TMTC3: variants seen among roughly 807,000 people sequenced by gnomAD.
The protein encoded by TMTC3 is transmembrane O-mannosyltransferase targeting cadherins 3.
Under a neutral mutation model 92.2 loss-of-function variants are expected in TMTC3, and 52 were observed. That is an observed-to-expected ratio of 0.56 (90% CI 0.45 to 0.71). The LOEUF (loss-of-function observed/expected upper bound fraction) is 0.71. Among genes scored for constraint, TMTC3 ranks in the 30% least tolerant of loss-of-function variants. TMTC3 has a pLI of 0.00. For missense variants in TMTC3, 896 were observed against 1,057.1 expected, an observed-to-expected ratio of 0.85 and a Z score of 2.11; for synonymous variants, 339 against 363.3, an observed-to-expected ratio of 0.93 and a Z score of 0.76.
intron 5 of TMTC3, 74 bp from the exon 6 acceptor site, chr12:88,160,605 A>G (rs2041064938): frequency 7.8e-7 from 1 of 1,286,006 alleles, no homozygotes; most frequent in Non-Finnish European, 1.1e-6. Flanking sequence ...TCTTGCAATT[A>G]GAAAGTACTA....
At chr12:88,189,796 ATTAAG>A (rs2041422488) in intron 11 of TMTC3, among the ~76,000 whole-genome samples, 1 of 152,190 alleles carries the variant, frequency 6.6e-6, no homozygotes, top group African/African-American at 2.4e-5. Context: ...CAGTCTGATT[ATTAAG>A]TTAAGGTTTT....
At chr12:88,156,150 A>G (rs2041007001) in intron 4 of TMTC3, among the ~76,000 whole-genome samples, 2 of 152,294 alleles carry the variant, frequency 1.3e-5, no homozygotes, top group East Asian at 3.9e-4. Flanking sequence ...TGTCTCTTTA[A>G]GTAATTCTGA....
chr12:88,188,741 T>C (rs550329230), intron 10 of TMTC3, 102 bp from the exon 11 acceptor site: 189 of 598,674 alleles, frequency 3.2e-4, no homozygotes, highest in Non-Finnish European at 4.9e-4. Flanking sequence ...ATTAGTTACA[T>C]TGAATACTTG....
At chr12:88,163,406 C>T (rs1323822028) in intron 6 of TMTC3, among the ~76,000 whole-genome samples, 2 of 152,138 alleles carry the variant, frequency 1.3e-5, no homozygotes, top group Non-Finnish European at 2.9e-5. Flanking sequence ...CTAATGCATT[C>T]AGGAGGTTTT....
chr12:88,159,282 G>A (rs1433060885), intron 4 of TMTC3, among the ~76,000 whole-genome samples: 1 of 152,140 alleles, frequency 6.6e-6, no homozygotes, highest in Non-Finnish European at 1.5e-5. Context: ...AGTTGATGAA[G>A]TATGTTTTTC....
At chr12:88,148,860 T>C (rs1172660881) in intron 2 of TMTC3, among the ~76,000 whole-genome samples, 1 of 152,050 alleles carries the variant, frequency 6.6e-6, no homozygotes, top group Admixed American at 6.6e-5. Context: ...TAGTACCCAA[T>C]AGGTAGTTTT....
At chr12:88,167,254 G>T (rs994101629) in intron 7 of TMTC3, among the ~76,000 whole-genome samples, 4 of 151,766 alleles carry the variant, frequency 2.6e-5, no homozygotes, top group African/African-American at 9.7e-5. Context: ...AAATTAGCTG[G>T]GTAGCTGGGT....
chr12:88,143,070 G>A (rs1003822001), intron 1 of TMTC3, among the ~76,000 whole-genome samples: 2 of 151,950 alleles, frequency 1.3e-5, no homozygotes, highest in Non-Finnish European at 2.9e-5. Context: ...AATCATGCTG[G>A]AGTATGATAC....
chr12:88,166,394 C>T lies in TMTC3; in HGVS notation c.862C>T (p.Pro288Ser), dbSNP rs1283250855. Residue 288 changes from proline to serine, a missense_variant, in exon 7 of 14, where the codon CCT becomes TCT. Physicochemically the swap from Pro to Ser is moderately conservative, Grantham distance 74. Transcript: ENST00000266712. Reference sequence around the variant, plus strand: ...GCAACTAACTTTTAACTACCTCCTTCCTGTGAATGCTTGGTTGTTATTAAA... The same window carrying T: ...GCAACTAACTTTTAACTACCTCCTTTCTGTGAATGCTTGGTTGTTATTAAA... Reference protein sequence around the residue: ...TRQLTFNYLLPVNAWLLLNPS... With the variant: ...TRQLTFNYLLSVNAWLLLNPS... 6.2e-7 allele frequency: 1 copy of T among 1,613,908 alleles called. No homozygotes were observed. The highest frequency in any genetic ancestry group is 8.5e-7 in the Non-Finnish European group (1 of 1,179,900).
At position 88,198,074 on chromosome 12, in the gene TMTC3, G is replaced by T. The variant is rs2041535896; in HGVS notation, c.*2425G>T. 2.8e-6 allele frequency: 1 copy of T among 359,632 alleles called. No individual in the cohort carries two copies. The highest frequency in any genetic ancestry group is 1.5e-4 in the South Asian group (1 of 6,662). 22.3% of individuals were successfully genotyped at this position (359,632 alleles called of 1,614,324 possible). A position where few individuals can be genotyped will look rare whatever the true frequency, so the allele number is the denominator to read the frequency against. Reference sequence around the variant, plus strand: ...AAAGAACATATTCTTCTAATAACTAGCATTTATTACATGAAATTTAAGAGT... The same window carrying T: ...AAAGAACATATTCTTCTAATAACTATCATTTATTACATGAAATTTAAGAGT... On this transcript the variant is annotated 3_prime_UTR_variant, in exon 14 of 14. Transcript: ENST00000266712.
At chr12:88,187,142 A>C (rs1345695442) in intron 10 of TMTC3, among the ~76,000 whole-genome samples, 1 of 150,954 alleles carries the variant, frequency 6.6e-6, no homozygotes, top group Non-Finnish European at 1.5e-5. Flanking sequence ...TGAGCTCTAT[A>C]AACATATGGT....
intron 4 of TMTC3, among the ~76,000 whole-genome samples, chr12:88,156,836 G>A (rs2041018046): frequency 8.5e-6 from 1 of 117,846 alleles, no homozygotes; most frequent in Non-Finnish European, 1.8e-5. Flanking sequence ...TTTACAAAAA[G>A]TGTCTTAGAA....
At chr12:88,184,760 TACAC>T (rs2041356815) in intron 10 of TMTC3, among the ~76,000 whole-genome samples, 1 of 151,844 alleles carries the variant, frequency 6.6e-6, no homozygotes, top group Admixed American at 6.6e-5. Context: ...AGTAAACAAA[TACAC>T]ACCACATGTA....
chr12:88,181,895 TG>T (rs79742802), intron 10 of TMTC3, among the ~76,000 whole-genome samples: 12,120 of 151,922 alleles, frequency 0.08, 682 homozygotes, highest in African/African-American at 0.15. Flanking sequence ...GCATTGGGTA[TG>T]GGGGAGTGAA....
In TMTC3 at chr12:88,199,085, T is replaced by TTCC. The variant is rs1451624358; in HGVS notation, c.*3437_*3438insCCT. The TTCC allele has an allele frequency of 6.6e-6, 1 of 151,368 alleles. No individual in the cohort carries two copies. Among genetic ancestry groups the TTCC allele is most frequent in the Non-Finnish European group, 1.5e-5 (1 of 67,780 alleles). 9.4% of individuals were successfully genotyped at this position (151,368 alleles called of 1,614,324 possible). The stretch of plus-strand genomic sequence containing the variant: ...ATACAACATTGTATATAGAGATTTC[T>TTCC]TTTATGAAGAAGAGCTGACGTAATT... On this transcript the variant is annotated 3_prime_UTR_variant, in exon 14 of 14. Transcript: ENST00000266712.
intron 6 of TMTC3, among the ~76,000 whole-genome samples, chr12:88,162,585 T>C (rs1158366122): frequency 1.3e-5 from 2 of 152,198 alleles, no homozygotes; most frequent in African/African-American, 4.8e-5. Flanking sequence ...TTCATCTAGT[T>C]GTTTCTTACC....
chr12:88,183,008 T>A (rs560675249), intron 10 of TMTC3, among the ~76,000 whole-genome samples: 1 of 152,294 alleles, frequency 6.6e-6, no homozygotes, highest in Non-Finnish European at 1.5e-5. Context: ...TTAGCACTGA[T>A]AGCCCGTAAG....
intron 1 of TMTC3, among the ~76,000 whole-genome samples, chr12:88,147,620 A>G (rs549307699): frequency 3.6e-4 from 55 of 152,092 alleles, no homozygotes; most frequent in Non-Finnish European, 6.3e-4. Context: ...TTAGGTTTTT[A>G]TTCTACTTTC....
chr12:88,155,608 C>G (rs1387391360), intron 4 of TMTC3, among the ~76,000 whole-genome samples: 1 of 152,112 alleles, frequency 6.6e-6, no homozygotes, highest in African/African-American at 2.4e-5. Context: ...ATTTTCTTCC[C>G]TTAGATCTTT....
Sources: gnomAD v4.1 joint callset for allele counts (sites outside exome capture counted in the v4.1 genomes callset) on GRCh38, gnomAD v4.1.1 for gene constraint, MANE v1.5 for transcripts, NCBI Gene and HGNC (gene_info 2026-07-23, HGNC 2026-07-21) for gene names.